TMCO4: variants seen among roughly 807,000 people sequenced by gnomAD.
TMCO4 encodes transmembrane and coiled-coil domain-containing protein 4.
Under a neutral mutation model 64.7 loss-of-function variants are expected in TMCO4, and 58 were observed. That is an observed-to-expected ratio of 0.90 (90% CI 0.73 to 1.12). The LOEUF (loss-of-function observed/expected upper bound fraction) is 1.12, where lower values mean the gene tolerates loss of function less well. Among genes scored for constraint, TMCO4 ranks in the 50% most tolerant of loss-of-function variants. TMCO4 has a pLI of 0.00. For missense variants in TMCO4, 780 were observed against 825.9 expected, an observed-to-expected ratio of 0.94 and a Z score of 0.68; for synonymous variants, 325 against 346.1, an observed-to-expected ratio of 0.94 and a Z score of 0.68.
chr1:19,707,050 ACCCAT>A (rs2095306444), intron 13 of TMCO4, among the ~76,000 whole-genome samples: 1 of 152,162 alleles, frequency 6.6e-6, no homozygotes, highest in East Asian at 1.9e-4. Context: ...CTCCCAGGGG[ACCCAT>A]CTCTCATGGA....
At chr1:19,729,858 C>A (rs749406325) in intron 13 of TMCO4, among the ~76,000 whole-genome samples, 10 of 151,824 alleles carry the variant, frequency 6.6e-5, no homozygotes, top group Non-Finnish European at 1.0e-4. Context: ...TGATAGATAC[C>A]CCATTTTCCG....
chr1:19,726,242 G>A (rs756142378), intron 13 of TMCO4, among the ~76,000 whole-genome samples: 1 of 152,182 alleles, frequency 6.6e-6, no homozygotes, highest in African/African-American at 2.4e-5. Context: ...AAACAAAGAT[G>A]GGCAAAGCAC....
chr1:19,746,741 G>C, intron 8 of TMCO4, 142 bp from the exon 9 acceptor site: 1 of 1,102,158 alleles, frequency 9.1e-7, no homozygotes, highest in Non-Finnish European at 1.3e-6. Context: ...TGGCTAACAC[G>C]GTGAAACCTC....
chr1:19,741,301 T>C (rs909932), intron 10 of TMCO4, among the ~76,000 whole-genome samples: 27,327 of 152,180 alleles, frequency 0.18, 3,000 homozygotes, highest in African/African-American at 0.3. Context: ...ATGTAAAGGG[T>C]TATTTTCTCT....
At chr1:19,779,451 C>T (rs78151158) in intron 4 of TMCO4, among the ~76,000 whole-genome samples, 2,370 of 152,332 alleles carry the variant, frequency 0.016, 67 homozygotes, top group African/African-American at 0.054. Flanking sequence ...ATACTCTCCC[C>T]TCTAGAATTT....
chr1:19,740,503 G>A (rs1364121666), intron 11 of TMCO4, among the ~76,000 whole-genome samples: 2 of 152,180 alleles, frequency 1.3e-5, no homozygotes, highest in Admixed American at 6.5e-5. Flanking sequence ...CCAGCCTCCT[G>A]AGCTATTACA....
In TMCO4 at chr1:19,794,906, C is replaced by A. The variant is rs145619181; in HGVS notation, c.-101+3231G>T. 3.5e-4 allele frequency among the ~76,000 whole-genome samples: 53 copies of A among 152,150 alleles called. 1 individual carries two copies. The highest frequency in any genetic ancestry group is 1.2e-3 in the African/African-American group (49 of 41,496). ...AGTCACAAAAAGATAAAATGCTGTA[C>A]AATTCCACTTAAGTAAGGTATGAGG... On this transcript the variant is annotated intron_variant, in intron 2 of 15. Transcript: ENST00000294543.
At chr1:19,737,311 C>T in intron 13 of TMCO4, 61 bp downstream of exon 13, 3 of 1,531,034 alleles carry the variant, frequency 2.0e-6, no homozygotes, top group Non-Finnish European at 2.7e-6. Context: ...TGGCCCAGAA[C>T]ATCTGTCCCT....
chr1:19,686,389 A>G (rs2100520485), intron 15 of TMCO4, among the ~76,000 whole-genome samples: 1 of 152,314 alleles, frequency 6.6e-6, no homozygotes, highest in South Asian at 2.1e-4. Flanking sequence ...TGTTGTTGGG[A>G]ATCTCAGAAA....
At chr1:19,739,749 T>G in intron 12 of TMCO4, 75 bp downstream of exon 12, 5 of 1,557,108 alleles carry the variant, frequency 3.2e-6, no homozygotes, top group South Asian at 1.2e-5. Flanking sequence ...CCTCTAAGGC[T>G]GATATCTGTG....
chr1:19,708,081 T>A (rs79307716), intron 13 of TMCO4, among the ~76,000 whole-genome samples: 2 of 152,210 alleles, frequency 1.3e-5, no homozygotes, highest in East Asian at 3.9e-4. Context: ...CCAAACCATA[T>A]CACTTGTATA....
At chr1:19,741,672 G>A (rs1401702259) in intron 10 of TMCO4, among the ~76,000 whole-genome samples, 1 of 152,010 alleles carries the variant, frequency 6.6e-6, no homozygotes. Flanking sequence ...GGAGCACAGA[G>A]GGGCACCTAA....
At chr1:19,789,680 T>C (rs1439630947) in intron 2 of TMCO4, among the ~76,000 whole-genome samples, 7 of 152,204 alleles carry the variant, frequency 4.6e-5, no homozygotes, top group African/African-American at 4.8e-5. Flanking sequence ...CAGAAAGCCC[T>C]GGACCCATGT....
chr1:19,762,939 C>A (rs2042568537), intron 6 of TMCO4, among the ~76,000 whole-genome samples: 1 of 152,244 alleles, frequency 6.6e-6, no homozygotes, highest in Non-Finnish European at 1.5e-5. Flanking sequence ...GAGGCAGAAA[C>A]TTCAGCCTTT....
intron 4 of TMCO4, among the ~76,000 whole-genome samples, chr1:19,775,291 G>C (rs1457843017): frequency 6.6e-6 from 1 of 152,172 alleles, no homozygotes; most frequent in Non-Finnish European, 1.5e-5. Context: ...TGGCCAGGCT[G>C]GTCTTGAACT....
At chr1:19,723,667 G>C (rs554897289) in intron 13 of TMCO4, among the ~76,000 whole-genome samples, 100 of 152,266 alleles carry the variant, frequency 6.6e-4, no homozygotes, top group Middle Eastern at 6.8e-3. Flanking sequence ...TGCGTTTCAG[G>C]GTGCAGACCC....
intron 3 of TMCO4, 113 bp from the exon 4 acceptor site, chr1:19,780,879 T>C (rs2043441465): frequency 3.4e-6 from 3 of 887,882 alleles, no homozygotes; most frequent in Non-Finnish European, 5.0e-6. Flanking sequence ...ATCATTAAAA[T>C]GAAGAACTTC....
intron 6 of TMCO4, 129 bp from the exon 7 acceptor site, chr1:19,755,895 GA>G: frequency 2.9e-6 from 3 of 1,040,832 alleles, no homozygotes; most frequent in South Asian, 1.6e-5. Flanking sequence ...GCCAGTCAAT[GA>G]AAAAAATGAC....
chr1:19,778,066 A>G (rs2043292657), intron 4 of TMCO4, among the ~76,000 whole-genome samples: 1 of 152,090 alleles, frequency 6.6e-6, no homozygotes, highest in African/African-American at 2.4e-5. Flanking sequence ...CCAAAAAACC[A>G]CAAAAATATC....
Sources: gnomAD v4.1 joint callset for allele counts (sites outside exome capture counted in the v4.1 genomes callset) on GRCh38, gnomAD v4.1.1 for gene constraint, MANE v1.5 for transcripts, NCBI Gene and HGNC (gene_info 2026-07-23, HGNC 2026-07-21) for gene names.